CDK15: variants seen among roughly 807,000 people sequenced by gnomAD.
The protein encoded by CDK15 is cyclin dependent kinase 15, also known as cyclin-dependent kinase 15.
CDK15 carries 62 observed loss-of-function variants against 60.3 expected under a neutral mutation model. The ratio of observed to expected loss-of-function variants is 1.03; its 90% CI spans 0.84 to 1.27. The LOEUF (loss-of-function observed/expected upper bound fraction) is 1.27, where lower values mean the gene tolerates loss of function less well. CDK15 is among the 50% of genes most tolerant of loss of function. CDK15 has a pLI of 0.00. For synonymous variants in CDK15, 194 were observed against 195.7 expected (o/e 0.99, Z 0.07); for missense variants, 541 against 527.8 (o/e 1.03, Z -0.25).
intron 9 of CDK15, among the ~76,000 whole-genome samples, chr2:201,852,635 C>T (rs891812801): frequency 5.9e-5 from 9 of 152,200 alleles, no homozygotes; most frequent in African/African-American, 2.4e-5. Context: ...CTTCAGACCA[C>T]TGTGGTTTGA....
chr2:201,822,439 C>T, intron 4 of CDK15, among the ~76,000 whole-genome samples: 1 of 152,324 alleles, frequency 6.6e-6, no homozygotes, highest in East Asian at 1.9e-4. Context: ...ACTCCATTTC[C>T]TGCTCCTCCA....
chr2:201,891,113 T>G (rs530127645), intron 13 of CDK15, among the ~76,000 whole-genome samples, 186 bp downstream of exon 13: 1 of 152,376 alleles, frequency 6.6e-6, no homozygotes, highest in East Asian at 1.9e-4. Flanking sequence ...AAGAGAATAA[T>G]TACATGCATT....
At chr2:201,814,641 T>G (rs1008386991) in intron 4 of CDK15, among the ~76,000 whole-genome samples, 5 of 152,082 alleles carry the variant, frequency 3.3e-5, no homozygotes, top group Admixed American at 6.5e-5. Context: ...CTGGAGTTCA[T>G]TAGCTAAAAT....
At chr2:201,818,360 T>C (rs1234397618) in intron 4 of CDK15, among the ~76,000 whole-genome samples, 3 of 152,192 alleles carry the variant, frequency 2.0e-5, no homozygotes, top group Non-Finnish European at 4.4e-5. Context: ...CAAAAATAAG[T>C]ATACATAGGA....
chr2:201,847,316 A>T, intron 8 of CDK15, 65 bp from the exon 9 acceptor site: 1 of 1,397,750 alleles, frequency 7.2e-7, no homozygotes, highest in Non-Finnish European at 1.0e-6. Flanking sequence ...GAGAAATTCT[A>T]GTAGTTCAGT....
At chr2:201,837,484 AAGGAAGGAAGGAAGGAAGGAAGGAAG>A (rs1403304780) in intron 8 of CDK15, among the ~76,000 whole-genome samples, 96 of 142,486 alleles carry the variant, frequency 6.7e-4, no homozygotes, top group African/African-American at 2.4e-3. Context: ...GGAAGGAAGG[AAGGAAGGAAGGAAGGAAGGAAGGAAG>A]GAAAGAAGGA....
intron 11 of CDK15, chr2:201,876,703 A>T (rs1389686343): frequency 2.0e-6 from 1 of 490,872 alleles, no homozygotes; most frequent in South Asian, 1.9e-5. Flanking sequence ...GTTGGTTGAA[A>T]TGGAAAATCC....
chr2:201,831,909 C>A (rs1400451165), intron 6 of CDK15, among the ~76,000 whole-genome samples: 2 of 152,188 alleles, frequency 1.3e-5, no homozygotes, highest in African/African-American at 2.4e-5. Context: ...TTAAAAGTTA[C>A]ATTGAGCCCT....
intron 4 of CDK15, among the ~76,000 whole-genome samples, chr2:201,813,621 T>C (rs1051207799): frequency 1.3e-5 from 2 of 152,220 alleles, no homozygotes; most frequent in African/African-American, 4.8e-5. Context: ...TGATTCAAGT[T>C]ACAAGTGTAT....
intron 9 of CDK15, among the ~76,000 whole-genome samples, chr2:201,850,797 C>A (rs1053332465): frequency 1.3e-5 from 2 of 152,198 alleles, no homozygotes; most frequent in African/African-American, 2.4e-5. Context: ...CTTGCCAACA[C>A]CTCTTTCATC....
chr2:201,837,073 C>T (rs763358164), intron 8 of CDK15, among the ~76,000 whole-genome samples: 21 of 151,860 alleles, frequency 1.4e-4, no homozygotes, highest in Non-Finnish European at 1.3e-4. Context: ...GCTGGAGGAT[C>T]GATTGCTTCA....
At chr2:201,836,015 T>TATATATA in intron 8 of CDK15, among the ~76,000 whole-genome samples, 1 of 126,686 alleles carries the variant, frequency 7.9e-6, no homozygotes, top group East Asian at 2.0e-4. Context: ...TATTTTTATA[T>TATATATA]TTTTATATAT....
chr2:201,860,768 A>C, intron 10 of CDK15: 1 of 1,352,176 alleles, frequency 7.4e-7, no homozygotes, highest in South Asian at 1.1e-5. Context: ...CATGGATGGC[A>C]TACTGACATC....
At chr2:201,859,142 A>G (rs1475442835) in intron 10 of CDK15, among the ~76,000 whole-genome samples, 1 of 152,178 alleles carries the variant, frequency 6.6e-6, no homozygotes, top group African/African-American at 2.4e-5. Flanking sequence ...AATACTCCAC[A>G]GGAAGCAATA....
At chr2:201,821,888 C>T (rs1443931497) in intron 4 of CDK15, among the ~76,000 whole-genome samples, 3 of 152,102 alleles carry the variant, frequency 2.0e-5, no homozygotes, top group African/African-American at 7.2e-5. Flanking sequence ...ACCGCGTTGG[C>T]CAGGCTGGTC....
At position 201,880,166 on chromosome 2, in the gene CDK15, T is replaced by C. The variant is rs755260494; in HGVS notation, c.1197T>C (p.Asp399=). The change falls in exon 12 of 14, where the codon GAT becomes GAC. Residue 399 remains aspartate (D), a splice_region_variant and synonymous_variant. Transcript: ENST00000652192. ...ALPSQLYQLP[D]EESLFTVSGV... ...CATCTCAGCTGTACCAGCTTCCTGA[T>C]GGTGAGCGAGGGAGTGTGTGCGTGT... The C allele has an allele frequency of 6.2e-6, 10 of 1,613,768 alleles. No homozygotes were observed. Among genetic ancestry groups the C allele is most frequent in the African/African-American group, 2.7e-5 (2 of 74,882 alleles).
intron 4 of CDK15, among the ~76,000 whole-genome samples, chr2:201,820,900 C>T (rs922840088): frequency 1.3e-5 from 2 of 152,150 alleles, no homozygotes; most frequent in African/African-American, 4.8e-5. Flanking sequence ...TTAGTCATTA[C>T]AGCAAATAAG....
intron 10 of CDK15, among the ~76,000 whole-genome samples, chr2:201,865,685 T>C (rs1483489800): frequency 2.7e-5 from 4 of 149,982 alleles, no homozygotes; most frequent in Non-Finnish European, 5.9e-5. Context: ...AGGTTAGGAG[T>C]TCAAGACCAG....
chr2:201,860,990 A>G lies in CDK15; in HGVS notation c.1009+6053A>G, dbSNP rs1046807534. ...TCTGTGTTTGCTGTGAGCACAAGCT[A>G]AGGTCTGCATCTGGGTCGGCATCAG... On this transcript the variant is annotated intron_variant, in intron 10 of 13. Coordinates refer to ENST00000652192, the MANE Select transcript of CDK15 (RefSeq NM_001366386.2). 12 of 1,199,952 alleles carry G rather than the reference A, an allele frequency of 1.0e-5. No individual in the cohort carries two copies. In the African/African-American group the frequency reaches 1.6e-4, roughly 16 times the overall value. The allele number at this position is 1,199,952 out of a possible 1,614,324, so 74.3% of individuals were successfully genotyped here.
Sources: allele counts gnomAD v4.1 joint callset (sites outside exome capture counted in the v4.1 genomes callset), GRCh38; gene constraint gnomAD v4.1.1; transcripts MANE v1.5; gene names NCBI Gene and HGNC (gene_info 2026-07-23, HGNC 2026-07-21).